LETM1: variants seen among roughly 807,000 people sequenced by gnomAD.
The protein encoded by LETM1 is mitochondrial proton/calcium exchanger protein.
Under a neutral mutation model 74.5 loss-of-function variants are expected in LETM1, and 50 were observed. The observed-to-expected ratio is 0.67, with a 90% CI of 0.53 to 0.85. LETM1 has a LOEUF of 0.85. LETM1 is among the 40% of genes least tolerant of loss of function. The pLI, the probability that LETM1 is intolerant of heterozygous loss-of-function variation, is 0.00. For missense variants in LETM1, 824 were observed against 967.8 expected, an observed-to-expected ratio of 0.85 and a Z score of 1.97; for synonymous variants, 446 against 407.1, an observed-to-expected ratio of 1.10 and a Z score of -1.15.
intron 6 of LETM1, among the ~76,000 whole-genome samples, chr4:1,828,141 G>A (rs1712077321): frequency 8.4e-6 from 1 of 119,654 alleles, no homozygotes; most frequent in Non-Finnish European, 1.8e-5. Context: ...TGGCCGGGCA[G>A]AGGGGCTCCT....
intron 1 of LETM1, among the ~76,000 whole-genome samples, chr4:1,855,034 C>CA (rs36063053): frequency 0.011 from 1,524 of 144,892 alleles, 21 homozygotes; most frequent in African/African-American, 0.033. Context: ...AAAAAAACTA[C>CA]AAAAAAAAAA....
At chr4:1,828,069 G>A (rs1373113403) in intron 6 of LETM1, among the ~76,000 whole-genome samples, 2 of 135,334 alleles carry the variant, frequency 1.5e-5, no homozygotes, top group Admixed American at 7.0e-5. Context: ...CCTCCCTCCC[G>A]GACGGGGCGG....
rs753905795 is a variant in LETM1 at position 1,832,819 on chromosome 4, T to C, written c.1005A>G (p.Leu335=). The change falls in exon 6 of 14, where the codon CTA becomes CTG. Residue 335 remains leucine, a synonymous_variant. Transcript: ENST00000302787. ...GGAAGTTGTTGGTGCCGATGGACTG[T>C]AGCTCCAGCAGCTTGCACAGGGCCA... ...QLVALCKLLE[L]QSIGTNNFLR... 23 of 1,614,078 alleles carry C rather than the reference T, an allele frequency of 1.4e-5. No individual in the cohort carries two copies. The African/African-American group carries it at 2.3e-4, about 16-fold the overall frequency.
At position 1,856,085 on chromosome 4, in the gene LETM1, G is replaced by C. The variant is rs1414343784; in HGVS notation, c.-135C>G. On this transcript the variant is annotated 5_prime_UTR_variant, in exon 1 of 14. Transcript: ENST00000302787. ...TGACAGAGGCGGCTGGCCTCGGACG[G>C]GAGGCGCTCTCCTCAAGGACCCGGC... 4.5e-6 allele frequency: 2 copies of C among 444,146 alleles called. No homozygotes were observed. Among genetic ancestry groups the C allele is most frequent in the Non-Finnish European group, 7.1e-6 (2 of 282,790 alleles). 27.5% of individuals were successfully genotyped at this position (444,146 alleles called of 1,614,324 possible).
chr4:1,816,093 C>T (rs1711562316), intron 12 of LETM1, among the ~76,000 whole-genome samples: 1 of 152,272 alleles, frequency 6.6e-6, no homozygotes, highest in Admixed American at 6.5e-5. Context: ...GGCTGTTGTC[C>T]TCAGGCCTGT....
intron 1 of LETM1, among the ~76,000 whole-genome samples, chr4:1,850,937 CAAAA>C (rs562023023): frequency 1.5e-4 from 12 of 80,114 alleles, no homozygotes; most frequent in Admixed American, 4.5e-4. Context: ...CCATTGCACT[CAAAA>C]AAAAAAAAAA....
At chr4:1,828,332 C>T (rs1712093060) in intron 6 of LETM1, among the ~76,000 whole-genome samples, 1 of 102,896 alleles carries the variant, frequency 9.7e-6, no homozygotes, top group African/African-American at 4.3e-5. Context: ...GGGGGCTGAC[C>T]CCCCCCACCT....
chr4:1,819,524 C>A, intron 10 of LETM1, 52 bp from the exon 11 acceptor site: 2 of 1,574,642 alleles, frequency 1.3e-6, no homozygotes, highest in Non-Finnish European at 8.6e-7. Context: ...AAAGAACTGG[C>A]CTGTTCCCAA....
Position 1,841,336 on chromosome 4 carries a change from GT to G in LETM1, c.594+10del, listed in dbSNP as rs757226725. On this transcript the variant is annotated intron_variant, in intron 3 of 13. Transcript: ENST00000302787. ...AGAAAGAAAAGAAAGGACTAGACAT[GT>G]CCCCATTACCTGCCTGCGCTCCCGG... 1 of 1,609,050 alleles carries G rather than the reference GT, an allele frequency of 6.2e-7. No homozygotes were observed. Among genetic ancestry groups the G allele is most frequent in the Non-Finnish European group, 8.5e-7 (1 of 1,176,230 alleles).
chr4:1,852,433 A>G (rs980325436), intron 1 of LETM1, among the ~76,000 whole-genome samples: 1 of 152,138 alleles, frequency 6.6e-6, no homozygotes, highest in Non-Finnish European at 1.5e-5. Context: ...AGAAGTTCTC[A>G]TCAAGGCTTC....
chr4:1,818,516 G>C (rs1389714074), intron 11 of LETM1, among the ~76,000 whole-genome samples: 10 of 151,968 alleles, frequency 6.6e-5, no homozygotes, highest in Non-Finnish European at 2.9e-5. Flanking sequence ...AGGAGGCTGA[G>C]GCAGAAGAAT....
chr4:1,830,832 T>C (rs938638417), intron 6 of LETM1, among the ~76,000 whole-genome samples: 1 of 152,194 alleles, frequency 6.6e-6, no homozygotes, highest in Non-Finnish European at 1.5e-5. Flanking sequence ...CATTCACTGA[T>C]ACCTTCCTGC....
intron 6 of LETM1, among the ~76,000 whole-genome samples, chr4:1,826,476 C>T (rs886333672): frequency 1.3e-5 from 2 of 152,236 alleles, no homozygotes; most frequent in Admixed American, 6.5e-5. Flanking sequence ...ATGCCACCCA[C>T]CCAGTCAAGA....
chr4:1,834,054 C>T lies in LETM1; in HGVS notation c.876+791G>A, dbSNP rs1370937840. ...AGCAGCCCCATGGCTGTGTCGCCTC[C>T]TCCCGAGAGGCTTCTCCGTGGTTAG... On this transcript the variant is annotated intron_variant, in intron 5 of 13. Coordinates refer to ENST00000302787, the MANE Select transcript of LETM1 (RefSeq NM_012318.3). This position sits in a 1 kb window ranked among gnomAD's most constrained non-coding sequence, Gnocchi z 5.0. The T allele has an allele frequency of 6.6e-6, 1 of 152,332 alleles. No homozygotes were observed. Among genetic ancestry groups the T allele is most frequent in the African/African-American group, 2.4e-5 (1 of 41,482 alleles). 9.4% of individuals were successfully genotyped at this position (152,332 alleles called of 1,614,324 possible). A position where few individuals can be genotyped will look rare whatever the true frequency, so the allele number is the denominator to read the frequency against.
intron 10 of LETM1, among the ~76,000 whole-genome samples, chr4:1,821,003 C>A (rs4435804): frequency 0.88 from 134,588 of 152,104 alleles, 61,018 homozygotes; most frequent in South Asian, 0.98. Flanking sequence ...GACTGGGCAA[C>A]AGAGTGAGAT....
intron 3 of LETM1, among the ~76,000 whole-genome samples, chr4:1,838,629 G>T (rs1712572484): frequency 1.3e-5 from 2 of 152,206 alleles, no homozygotes; most frequent in Non-Finnish European, 2.9e-5. Context: ...GGTTAGCCAT[G>T]AGGTTGCAAC....
intron 8 of LETM1, 78 bp from the exon 9 acceptor site, chr4:1,823,209 C>T: frequency 6.8e-7 from 1 of 1,474,286 alleles, no homozygotes. Flanking sequence ...TGTCCTGTGT[C>T]CTGTGTCCCC....
chr4:1,820,505 C>CT (rs1299804788), intron 10 of LETM1, among the ~76,000 whole-genome samples: 2 of 152,202 alleles, frequency 1.3e-5, no homozygotes, highest in Non-Finnish European at 2.9e-5. Context: ...TGATGCTGAG[C>CT]TCAGAGTGAG....
chr4:1,817,017 G>A (rs919834201), intron 11 of LETM1, 103 bp from the exon 12 acceptor site: 22 of 938,396 alleles, frequency 2.3e-5, no homozygotes, highest in South Asian at 6.3e-5. Context: ...AGGCCAAGGC[G>A]GGCGGATCAC....
Sources: gnomAD v4.1 joint callset for allele counts (sites outside exome capture counted in the v4.1 genomes callset) on GRCh38, gnomAD v4.1.1 for gene constraint, Gnocchi (gnomAD v3.1) non-coding constraint, MANE v1.5 for transcripts, NCBI Gene and HGNC (gene_info 2026-07-23, HGNC 2026-07-21) for gene names.